AFF2: variants seen among roughly 807,000 people sequenced by gnomAD.
AFF2 encodes ALF transcription elongation factor 2.
Under a neutral mutation model 76.9 loss-of-function variants are expected in AFF2, and 14 were observed. The observed-to-expected ratio is 0.18, with a 90% CI of 0.12 to 0.28. The LOEUF is 0.28. Ranked by LOEUF, AFF2 falls within the 10% of genes least tolerant of loss-of-function variation. The pLI is 1.00. For missense variants in AFF2, 868 were observed against 1,001.1 expected, an observed-to-expected ratio of 0.87 and a Z score of 1.79; for synonymous variants, 398 against 366.7, an observed-to-expected ratio of 1.09 and a Z score of -0.98.
At chrX:148,626,369 G>A (rs1569552329) in intron 1 of AFF2, among the ~76,000 whole-genome samples, 1 of 110,133 alleles carries the variant, frequency 9.1e-6, no homozygotes, top group East Asian at 2.9e-4. Flanking sequence ...AACCATATTT[G>A]GCAAGAATGT....
rs782331657 is a variant in AFF2 at position 148,790,461 on chromosome X, G to A, written c.1042-19415G>A. ...CCCAAATGCCCATCAATGATAGACT[G>A]GATAAAGAAAGTGTGGTATGTATAC... On this transcript the variant is annotated intron_variant, in intron 3 of 20. Coordinates refer to ENST00000370460, the MANE Select transcript of AFF2 (RefSeq NM_002025.4). 2.7e-5 allele frequency among the ~76,000 whole-genome samples: 3 copies of A among 111,603 alleles called. No homozygotes were observed. In the East Asian group the frequency reaches 8.5e-4, roughly 32 times the overall value.
intron 3 of AFF2, among the ~76,000 whole-genome samples, chrX:148,720,241 C>T (rs1290938644): frequency 9.0e-6 from 1 of 110,506 alleles, no homozygotes; most frequent in East Asian, 2.9e-4. Flanking sequence ...GGCTGGACCA[C>T]TTATAGAAAT....
chrX:148,786,719 G>C (rs2069825427), intron 3 of AFF2, among the ~76,000 whole-genome samples: 1 of 111,937 alleles, frequency 8.9e-6, no homozygotes, highest in African/African-American at 3.2e-5. Context: ...CTGGGGGTTA[G>C]GAATTCAACA....
At chrX:148,640,781 C>T (rs182585315) in intron 1 of AFF2, among the ~76,000 whole-genome samples, 163 of 112,307 alleles carry the variant, frequency 1.5e-3, no homozygotes, top group African/African-American at 5.0e-3. Flanking sequence ...TACAAGCATT[C>T]GCAAAGGCCA....
chrX:148,639,761 G>A (rs782513651), intron 1 of AFF2, among the ~76,000 whole-genome samples: 42 of 111,954 alleles, frequency 3.8e-4, no homozygotes, highest in Non-Finnish European at 6.4e-4. Context: ...GAGTCCAAAA[G>A]AAAGAAGAAA....
At chrX:148,802,342 T>A (rs1197305166) in intron 3 of AFF2, among the ~76,000 whole-genome samples, 1 of 112,164 alleles carries the variant, frequency 8.9e-6, no homozygotes, top group Non-Finnish European at 1.9e-5. Context: ...GTATGTTTGA[T>A]GTTAGCATAA....
At position 148,975,943 on chromosome X, in the gene AFF2, C is replaced by CAAAA. The variant is rs59057839; in HGVS notation, c.3405-1972_3405-1969dup. ...TGGGCGACAGAGCGAGACTCCGTCT[C>CAAAA]AAAAAAAAAAAAAAAAAAAAATATG... On this transcript the variant is annotated intron_variant, in intron 16 of 20. Coordinates refer to ENST00000370460, the MANE Select transcript of AFF2 (RefSeq NM_002025.4). Among the ~76,000 whole-genome samples the CAAAA allele has an allele frequency of 8.6e-3, 195 of 22,656 alleles. 10 individuals carry two copies. Among genetic ancestry groups the CAAAA allele is most frequent in the African/African-American group, 0.01 (112 of 10,737 alleles). The allele number at this position is 22,656 out of a possible 115,157, so 19.7% of individuals were successfully genotyped here.
rs782685677 is a variant in AFF2, at chrX:148,837,699, A to G, written c.1139A>G (p.His380Arg). 10 of 1,201,391 alleles carry G rather than the reference A, an allele frequency of 8.3e-6. No individual in the cohort carries two copies. The highest frequency in any genetic ancestry group is 1.1e-5 in the Non-Finnish European group (10 of 886,785). ...TPLTSMHTAG[H>R]SEQSTFSIPG... is the part of the protein sequence containing the mutation. Reference sequence around the variant, plus strand: ...CTCACTTCCATGCATACTGCTGGACACTCTGAGCAGAGCACCTTTTCCATC... The same window carrying G: ...CTCACTTCCATGCATACTGCTGGACGCTCTGAGCAGAGCACCTTTTCCATC... Residue 380 changes from histidine (H) to arginine (R), a missense_variant, in exon 5 of 21, where the codon CAC becomes CGC. His to Arg is a conservative substitution (Grantham distance 29, BLOSUM62 0). This residue lies in a region of AFF2 where 532 missense variants were observed against 564.2 expected (regional missense o/e 0.94). Transcript: ENST00000370460.
At chrX:148,694,955 A>G (rs1557261143) in intron 3 of AFF2, among the ~76,000 whole-genome samples, 1 of 108,123 alleles carries the variant, frequency 9.2e-6, no homozygotes, top group Non-Finnish European at 1.9e-5. Flanking sequence ...AGTGGGGATT[A>G]CAGGCGCCCG....
intron 3 of AFF2, among the ~76,000 whole-genome samples, chrX:148,741,033 G>A (rs1032658668): frequency 2.7e-5 from 3 of 111,853 alleles, no homozygotes; most frequent in African/African-American, 9.8e-5. Flanking sequence ...GGATACCAGC[G>A]CCTGTTCTGG....
chrX:148,978,385 A>G lies in AFF2; in HGVS notation c.3500A>G (p.Tyr1167Cys). ...VLCYRCLSLL[Y>C]LRMFKLKKDH... is the part of the protein sequence containing the mutation. The stretch of plus-strand genomic sequence containing the variant: ...AGCTACCGATGTTTATCACTCCTCT[A>G]TTTGAGAATGTTTAAGCTGAAGAAG... Residue 1167 changes from tyrosine (Y) to cysteine (C), a missense_variant, in exon 18 of 21, where the codon TAT becomes TGT. Around this residue, in one of 6 missense-constraint regions of AFF2, gnomAD observed 57 missense variants for 117.8 expected, o/e 0.48. Transcript: ENST00000370460. 8.3e-7 allele frequency: 1 copy of G among 1,204,910 alleles called. No individual in the cohort carries two copies. Among genetic ancestry groups the G allele is most frequent in the Non-Finnish European group, 1.1e-6 (1 of 889,313 alleles).
At chrX:148,770,950 G>A (rs2069579168) in intron 3 of AFF2, among the ~76,000 whole-genome samples, 2 of 111,908 alleles carry the variant, frequency 1.8e-5, no homozygotes, top group Admixed American at 9.5e-5. Flanking sequence ...AAAAAATGTG[G>A]CTCACTGTGC....
intron 7 of AFF2, among the ~76,000 whole-genome samples, chrX:148,849,500 A>C (rs2070709336): frequency 9.3e-6 from 1 of 107,502 alleles, no homozygotes; most frequent in African/African-American, 3.4e-5. Flanking sequence ...AGTATCTACT[A>C]CATGTAAGGT....
rs5980386 is a variant in AFF2, at chrX:148,694,179, G to T, written c.1041+31411G>T. Among the ~76,000 whole-genome samples the T allele has an allele frequency of 1.9e-3, 194 of 101,474 alleles. 1 individual carries two copies. Among genetic ancestry groups the T allele is most frequent in the South Asian group, 0.012 (25 of 2,067 alleles). 88.1% of individuals were successfully genotyped at this position (101,474 alleles called of 115,157 possible). On this transcript the variant is annotated intron_variant, in intron 3 of 20. Transcript: ENST00000370460. ...CTCTGGGGACTGTTGTGGGGTCGGG[G>T]GGGGGGAGGGATAGCATTGGGAGAT...
At chrX:148,784,301 T>C (rs965601627) in intron 3 of AFF2, among the ~76,000 whole-genome samples, 6 of 112,065 alleles carry the variant, frequency 5.4e-5, no homozygotes, top group Non-Finnish European at 3.8e-5. Context: ...TGAGGTAATG[T>C]CTTTGTTCAG....
chrX:148,886,249 G>A (rs2071158846), intron 8 of AFF2, among the ~76,000 whole-genome samples: 1 of 111,369 alleles, frequency 9.0e-6, no homozygotes, highest in Non-Finnish European at 1.9e-5. Flanking sequence ...ATACACAAAT[G>A]CTGGTCAGTG....
chrX:148,966,386 G>T (rs2072172539), intron 13 of AFF2, among the ~76,000 whole-genome samples: 1 of 110,938 alleles, frequency 9.0e-6, no homozygotes, highest in African/African-American at 3.3e-5. Flanking sequence ...GCGGGGTCAA[G>T]GGATTTATTT....
At chrX:148,725,923 T>A (rs1177121120) in intron 3 of AFF2, among the ~76,000 whole-genome samples, 1 of 112,034 alleles carries the variant, frequency 8.9e-6, no homozygotes, top group Non-Finnish European at 1.9e-5. Flanking sequence ...TTTATATTTT[T>A]AAAAAATAGA....
At chrX:148,820,920 A>AC (rs1217684655) in intron 4 of AFF2, among the ~76,000 whole-genome samples, 1 of 111,721 alleles carries the variant, frequency 9.0e-6, no homozygotes, top group African/African-American at 3.3e-5. Context: ...ACTAGATTAA[A>AC]CAGCAGAAAA....
Sources: allele counts gnomAD v4.1 joint callset (sites outside exome capture counted in the v4.1 genomes callset), GRCh38; gene constraint gnomAD v4.1.1; regional missense constraint gnomAD v4.1.1; transcripts MANE v1.5; gene names NCBI Gene and HGNC (gene_info 2026-07-23, HGNC 2026-07-21).